The following ZNF789 variants were observed in gnomAD, a reference collection of about 807,000 sequenced individuals.
ZNF789 encodes the protein zinc finger protein 789.
Under a neutral mutation model 15.6 loss-of-function variants are expected in ZNF789, and 11 were observed. The ratio of observed to expected loss-of-function variants is 0.70; its 90% CI spans 0.44 to 1.16. ZNF789 has a LOEUF of 1.16. Ranked by LOEUF, ZNF789 falls within the 50% of genes most tolerant of loss-of-function variation. ZNF789 has a pLI of 0.00. For synonymous variants in ZNF789, 159 were observed against 176.0 expected, an observed-to-expected ratio of 0.90 and a Z score of 0.76; for missense variants, 461 against 512.6, an observed-to-expected ratio of 0.90 and a Z score of 0.97.
chr7:99,485,947 C>T (rs989812219), intron 4 of ZNF789, among the ~76,000 whole-genome samples: 1 of 152,226 alleles, frequency 6.6e-6, no homozygotes, highest in Admixed American at 6.5e-5. Context: ...CTCTGGCATA[C>T]ACACTCCTAT....
chr7:99,487,523 C>CTTGT lies in ZNF789; in HGVS notation c.*37_*38insGTTT. The CTTGT allele has an allele frequency of 6.4e-7, 1 of 1,572,648 alleles. No individual in the cohort carries two copies. Among genetic ancestry groups the CTTGT allele is most frequent in the Non-Finnish European group, 8.6e-7 (1 of 1,159,808 alleles). On this transcript the variant is annotated 3_prime_UTR_variant, in exon 5 of 5. Transcript: ENST00000331410. ...GAAAGCAGTCATTGGAGAACTAGAA[C>CTTGT]TTATAAACCTCTACTTCAAGTGTGT...
At position 99,487,565 on chromosome 7, in the gene ZNF789, C is replaced by A; in HGVS notation, c.*77C>A. 6.7e-7 allele frequency: 1 copy of A among 1,488,276 alleles called. No homozygotes were observed. The allele number at this position is 1,488,276 out of a possible 1,614,324, so 92.2% of individuals were successfully genotyped here. ...CAAGTGTGTATCACGTAATTGTTTC[C>A]ATGAAAAGCAATAAATGTAACAAAG... On this transcript the variant is annotated 3_prime_UTR_variant, in exon 5 of 5. Coordinates refer to ENST00000331410, the MANE Select transcript of ZNF789 (RefSeq NM_213603.3).
intron 3 of ZNF789, chr7:99,480,526 C>G (rs1245609359): frequency 6.6e-6 from 1 of 152,202 alleles, no homozygotes; most frequent in Non-Finnish European, 1.5e-5. Context: ...TGTGTTAGGG[C>G]TCAGACCGAG....
intron 3 of ZNF789, chr7:99,482,181 C>T (rs775633911): frequency 1.3e-6 from 1 of 779,104 alleles, no homozygotes; most frequent in African/African-American, 1.7e-5. Flanking sequence ...CAGTTTGATG[C>T]TGCAATACCA....
intron 3 of ZNF789, among the ~76,000 whole-genome samples, chr7:99,483,458 C>A (rs1357930761): frequency 6.6e-6 from 1 of 151,910 alleles, no homozygotes; most frequent in Admixed American, 6.6e-5. Context: ...GGTGAAACCC[C>A]ATCTCTAATA....
intron 4 of ZNF789, among the ~76,000 whole-genome samples, chr7:99,484,344 G>A (rs1799801601): frequency 6.6e-6 from 1 of 152,186 alleles, no homozygotes; most frequent in South Asian, 2.1e-4. Context: ...AAGAAATCTT[G>A]GCTGGACGCG....
intron 2 of ZNF789, 45 bp from the exon 3 acceptor site, chr7:99,479,616 A>G (rs376348996): frequency 1.9e-5 from 29 of 1,550,250 alleles, no homozygotes; most frequent in Non-Finnish European, 2.5e-5. Context: ...ATTGAGCGTA[A>G]GTTATTTTAA....
intron 2 of ZNF789, 98 bp downstream of exon 2, chr7:99,476,578 C>A: frequency 6.7e-7 from 1 of 1,485,282 alleles, no homozygotes; most frequent in South Asian, 1.2e-5. Context: ...GGGAGTTTTC[C>A]TTCTTAGACA....
intron 2 of ZNF789, chr7:99,478,235 T>C (rs1264381792): frequency 7.9e-7 from 1 of 1,269,876 alleles, no homozygotes; most frequent in South Asian, 1.2e-5. Flanking sequence ...CTCTGGGAGA[T>C]GAAGCCATTT....
chr7:99,483,476 A>C (rs1167778976), intron 3 of ZNF789, among the ~76,000 whole-genome samples: 2 of 151,976 alleles, frequency 1.3e-5, no homozygotes, highest in Non-Finnish European at 2.9e-5. Context: ...ATAAAAATAC[A>C]AAACTTAGCA....
At chr7:99,480,539 A>G (rs1052778071) in intron 3 of ZNF789, 4 of 152,206 alleles carry the variant, frequency 2.6e-5, no homozygotes, top group Non-Finnish European at 5.9e-5. Flanking sequence ...AGACCGAGAC[A>G]CTTCATGCAT....
intron 3 of ZNF789, 25 bp from the exon 4 acceptor site, chr7:99,484,005 A>G (rs763337033): frequency 1.4e-5 from 22 of 1,601,240 alleles, no homozygotes; most frequent in Non-Finnish European, 1.9e-5. Flanking sequence ...TAACGGCCAC[A>G]TCCCATTTAC....
At chr7:99,485,540 C>G (rs147967570) in intron 4 of ZNF789, among the ~76,000 whole-genome samples, 1 of 152,172 alleles carries the variant, frequency 6.6e-6, no homozygotes, top group African/African-American at 2.4e-5. Context: ...TTATTAAAAA[C>G]GTGTATCTAG....
At chr7:99,483,676 T>C (rs1433481239) in intron 3 of ZNF789, 1 of 780,484 alleles carries the variant, frequency 1.3e-6, no homozygotes, top group African/African-American at 1.7e-5. Flanking sequence ...ATCTGCCTAA[T>C]ACTTATGCCT....
Position 99,486,762 on chromosome 7 carries a change from A to G in ZNF789, c.552A>G (p.Gln184=), listed in dbSNP as rs1046017865. Residue 184 remains glutamine, a synonymous_variant, in exon 5 of 5, where the codon CAA becomes CAG. Transcript: ENST00000331410. ...RYDEDGKPFN[Q]RSLLLGHERI... ...ATGAGGATGGCAAACCCTTCAATCA[A>G]AGATCTTTGCTTTTGGGGCATGAGC... is the stretch of plus-strand genomic sequence containing the variant. The G allele has an allele frequency of 3.1e-6, 5 of 1,614,248 alleles. No individual in the cohort carries two copies. The South Asian group carries it at 4.4e-5, about 14-fold the overall frequency.
intron 3 of ZNF789, chr7:99,480,613 T>A (rs541787053): frequency 1.7e-4 from 26 of 152,334 alleles, no homozygotes; most frequent in African/African-American, 5.8e-4. Context: ...TATGGTAGAT[T>A]TACATTCCAA....
chr7:99,479,567 T>C, intron 2 of ZNF789, 94 bp from the exon 3 acceptor site: 2 of 1,449,234 alleles, frequency 1.4e-6, no homozygotes, highest in Non-Finnish European at 1.8e-6. Flanking sequence ...GCCCACACTC[T>C]ACCTCCCAAA....
chr7:99,480,702 G>A (rs1244266687), intron 3 of ZNF789: 1 of 152,186 alleles, frequency 6.6e-6, no homozygotes, highest in Admixed American at 6.5e-5. Flanking sequence ...TGTAACATTA[G>A]TGGGTGCTCA....
At chr7:99,479,834 T>A in intron 3 of ZNF789, 47 bp downstream of exon 3, 2 of 1,579,606 alleles carry the variant, frequency 1.3e-6, no homozygotes, top group Non-Finnish European at 1.7e-6. Context: ...TCTGAGTGTC[T>A]GTGCAAGCCC....
Sources: allele counts gnomAD v4.1 joint callset (sites outside exome capture counted in the v4.1 genomes callset), GRCh38; gene constraint gnomAD v4.1.1; transcripts MANE v1.5; gene names NCBI Gene and HGNC (gene_info 2026-07-23, HGNC 2026-07-21).